Variants in ADGRF5 observed in about 807,000 individuals in gnomAD.
ADGRF5 encodes G-protein coupled receptor 116.
ADGRF5 carries 75 observed loss-of-function variants against 132.3 expected under a neutral mutation model. The observed-to-expected ratio is 0.57, with a 90% CI of 0.47 to 0.69. The LOEUF is 0.69. Ranked by LOEUF, ADGRF5 falls within the 30% of genes least tolerant of loss-of-function variation. The pLI is 0.00. For synonymous variants in ADGRF5, 629 were observed against 597.6 expected (o/e 1.05, Z -0.77); for missense variants, 1,516 against 1,630.6 (o/e 0.93, Z 1.21).
chr6:46,873,102 A>C (rs184213970), intron 10 of ADGRF5, among the ~76,000 whole-genome samples: 3 of 152,020 alleles, frequency 2.0e-5, no homozygotes, highest in Admixed American at 2.0e-4. Context: ...CACTTCTTCT[A>C]ATTCTTCCAG....
intron 10 of ADGRF5, among the ~76,000 whole-genome samples, chr6:46,875,768 A>T (rs562748010): frequency 2.0e-5 from 3 of 152,088 alleles, no homozygotes; most frequent in Non-Finnish European, 2.9e-5. Context: ...CAAAAGCAAG[A>T]CTCTATCTCA....
chr6:46,904,178 T>C (rs220695), intron 2 of ADGRF5, among the ~76,000 whole-genome samples: 140,331 of 152,282 alleles, frequency 0.92, 64,764 homozygotes, highest in African/African-American at 0.96. Flanking sequence ...GATCCATGCT[T>C]ACATGAAAGC....
intron 1 of ADGRF5, among the ~76,000 whole-genome samples, chr6:46,953,683 ATATATATC>A (rs1554131445): frequency 4.7e-5 from 6 of 126,642 alleles, no homozygotes; most frequent in Admixed American, 2.4e-4. Flanking sequence ...ATATATATAT[ATATATATC>A]TCACTGACAG....
chr6:46,906,384 C>A (rs958779055), intron 2 of ADGRF5, among the ~76,000 whole-genome samples: 3 of 152,134 alleles, frequency 2.0e-5, no homozygotes, highest in Non-Finnish European at 4.4e-5. Context: ...AAGGAAGGAA[C>A]CCTGGGAGGT....
intron 10 of ADGRF5, among the ~76,000 whole-genome samples, chr6:46,877,495 A>T (rs1771953038): frequency 6.6e-6 from 1 of 151,774 alleles, no homozygotes; most frequent in Non-Finnish European, 1.5e-5. Context: ...TGGTCAAGCA[A>T]TTTAAAAGCA....
intron 3 of ADGRF5, among the ~76,000 whole-genome samples, chr6:46,889,813 T>C (rs1773467307): frequency 6.7e-6 from 1 of 150,122 alleles, no homozygotes; most frequent in Non-Finnish European, 1.5e-5. Flanking sequence ...TAGTTTTCTA[T>C]ACCACATCAT....
chr6:46,929,170 G>T (rs1191077396), intron 1 of ADGRF5, among the ~76,000 whole-genome samples: 5 of 152,136 alleles, frequency 3.3e-5, no homozygotes, highest in Admixed American at 1.3e-4. Flanking sequence ...CCATAAAAAA[G>T]GATGAGTTCA....
upstream of ADGRF5, among the ~76,000 whole-genome samples, chr6:46,922,489 A>G (rs377081756): frequency 2.4e-4 from 37 of 152,340 alleles, no homozygotes; most frequent in African/African-American, 8.2e-4. Context: ...ATACCGCTCA[A>G]TAGCATGGAT....
intron 13 of ADGRF5, 85 bp from the exon 14 acceptor site, chr6:46,865,282 A>T: frequency 2.1e-6 from 2 of 931,842 alleles, no homozygotes; most frequent in Non-Finnish European, 3.3e-6. Flanking sequence ...ATATGAATAA[A>T]CCTGTCCAAG....
chr6:46,856,161 C>T lies in ADGRF5; in HGVS notation c.3877-103G>A, dbSNP rs552616168. 114 of 681,994 alleles carry T rather than the reference C, an allele frequency of 1.7e-4. 1 individual carries two copies. The highest frequency in any genetic ancestry group is 9.9e-4 in the African/African-American group (55 of 55,684). 42.2% of individuals were successfully genotyped at this position (681,994 alleles called of 1,614,324 possible). ...TTTTCCACCCTCTAGTGGTCACTGC[C>T]GGAATCTCTAGTCCCACTCCCAGAG... On this transcript the variant is annotated intron_variant, in intron 19 of 20. Coordinates refer to ENST00000283296, the MANE Select transcript of ADGRF5 (RefSeq NM_001098518.2).
chr6:46,888,778 C>T (rs540019439), intron 3 of ADGRF5, among the ~76,000 whole-genome samples: 3 of 152,062 alleles, frequency 2.0e-5, no homozygotes, highest in Non-Finnish European at 4.4e-5. Flanking sequence ...GGGAACTGTT[C>T]GGGCAAAATA....
At chr6:46,914,018 T>C (rs1313274291) in intron 1 of ADGRF5, among the ~76,000 whole-genome samples, 2 of 152,174 alleles carry the variant, frequency 1.3e-5, no homozygotes, top group Non-Finnish European at 2.9e-5. Context: ...TGCAAACATA[T>C]ACTTATCAAA....
chr6:46,869,151 C>A (rs1407867235), intron 11 of ADGRF5, 59 bp from the exon 12 acceptor site: 2 of 1,559,856 alleles, frequency 1.3e-6, no homozygotes, highest in Admixed American at 3.6e-5. Flanking sequence ...TGTGTAGTAT[C>A]TCTGGGGACA....
chr6:46,882,219 T>C, intron 6 of ADGRF5, 112 bp from the exon 7 acceptor site: 1 of 786,974 alleles, frequency 1.3e-6, no homozygotes, highest in South Asian at 1.4e-5. Context: ...GGTAAAATTA[T>C]CTTCTGTCTA....
chr6:46,924,975 G>C (rs189627695), upstream of ADGRF5, among the ~76,000 whole-genome samples: 1 of 152,274 alleles, frequency 6.6e-6, no homozygotes, highest in East Asian at 1.9e-4. Context: ...ATCTGTCTCT[G>C]TGCATCTCCT....
intron 10 of ADGRF5, among the ~76,000 whole-genome samples, chr6:46,874,891 C>T (rs969150983): frequency 2.6e-5 from 4 of 152,210 alleles, no homozygotes; most frequent in Non-Finnish European, 5.9e-5. Context: ...GTTGTTGTAA[C>T]TGGAGATGTT....
intron 1 of ADGRF5, among the ~76,000 whole-genome samples, chr6:46,946,154 G>A (rs576784053): frequency 1.3e-5 from 2 of 152,262 alleles, no homozygotes; most frequent in Non-Finnish European, 1.5e-5. Flanking sequence ...GGCTGGCCCC[G>A]GTTATAGCCA....
At chr6:46,881,924 A>G (rs761793199) in intron 7 of ADGRF5, 125 bp downstream of exon 7, 1 of 778,598 alleles carries the variant, frequency 1.3e-6, no homozygotes, top group Admixed American at 2.0e-5. Context: ...TACTTTTTTC[A>G]CCTCTACCAA....
chr6:46,880,488 G>C (rs1185520016), intron 8 of ADGRF5, among the ~76,000 whole-genome samples: 1 of 152,142 alleles, frequency 6.6e-6, no homozygotes. Flanking sequence ...ATTTAGAAAT[G>C]TAAAAACAAA....
Sources: allele counts gnomAD v4.1 joint callset (sites outside exome capture counted in the v4.1 genomes callset), GRCh38; gene constraint gnomAD v4.1.1; transcripts MANE v1.5; gene names NCBI Gene and HGNC (gene_info 2026-07-23, HGNC 2026-07-21).